The following TRIO variants were observed in gnomAD, a reference collection of about 807,000 sequenced individuals.
TRIO encodes the protein triple functional domain protein.
A neutral mutation model predicts 351.9 loss-of-function variants in TRIO; 58 were observed. The ratio of observed to expected loss-of-function variants is 0.16; its 90% confidence interval spans 0.13 to 0.21. The LOEUF is 0.21. Among genes scored for constraint, TRIO ranks in the 10% least tolerant of loss-of-function variants. TRIO has a pLI of 1.00. For synonymous variants in TRIO, 1,758 were observed against 1,595.7 expected, an observed-to-expected ratio of 1.10 and a Z score of -2.42; for missense variants, 3,201 against 4,027.8, an observed-to-expected ratio of 0.79 and a Z score of 5.56.
intron 34 of TRIO, among the ~76,000 whole-genome samples, chr5:14,459,690 A>G (rs1302492208): frequency 6.6e-6 from 1 of 152,188 alleles, no homozygotes; most frequent in Non-Finnish European, 1.5e-5. Context: ...GTGAGCTGAG[A>G]TTGTGCCACA....
chr5:14,389,270 C>T lies in TRIO; in HGVS notation c.3949-19C>T. 2 of 1,573,780 alleles carry T rather than the reference C, an allele frequency of 1.3e-6. No homozygotes were observed. The highest frequency in any genetic ancestry group is 1.4e-5 in the African/African-American group (1 of 72,476). ...TATGGTGATTATTTTTGTCTAATCC[C>T]TGTTTCCCTCTCGGCTAGACGTACC... On this transcript the variant is annotated intron_variant, in intron 24 of 56. Coordinates refer to ENST00000344204, the MANE Select transcript of TRIO (RefSeq NM_007118.4).
In TRIO at chr5:14,286,977, T is replaced by G; in HGVS notation, c.454T>G (p.Cys152Gly). Residue 152 changes from cysteine to glycine, a missense_variant, in exon 4 of 57, where the codon TGC becomes GGC. Physicochemically the swap from Cys to Gly is radical, Grantham distance 159. Coordinates refer to ENST00000344204, the MANE Select transcript of TRIO (RefSeq NM_007118.4). The surrounding 1 kb of genome is among the most constrained non-coding windows in gnomAD (Gnocchi z 4.4). ...LKILQESFPC[C>G]IHVALIIKPD... Reference sequence around the variant, plus strand: ...GATCCTGCAGGAGTCCTTCCCCTGCTGCATCCATGTGGCCCTGATCATCAA... The same window carrying G: ...GATCCTGCAGGAGTCCTTCCCCTGCGGCATCCATGTGGCCCTGATCATCAA... 6.2e-7 allele frequency: 1 copy of G among 1,614,202 alleles called. No individual in the cohort carries two copies. Among genetic ancestry groups the G allele is most frequent in the Non-Finnish European group, 8.5e-7 (1 of 1,180,028 alleles).
chr5:14,321,364 C>T (rs892214654), intron 9 of TRIO, among the ~76,000 whole-genome samples: 1 of 152,224 alleles, frequency 6.6e-6, no homozygotes, highest in African/African-American at 2.4e-5. Context: ...GTGGCCCCCA[C>T]GATGAGGGTT....
At chr5:14,321,715 A>C (rs554369530) in intron 9 of TRIO, among the ~76,000 whole-genome samples, 3 of 152,306 alleles carry the variant, frequency 2.0e-5, no homozygotes, top group African/African-American at 7.2e-5. Flanking sequence ...ACCCCACCCA[A>C]ATCTCATCTT....
At chr5:14,245,490 C>T (rs1435655893) in intron 1 of TRIO, among the ~76,000 whole-genome samples, 1 of 152,220 alleles carries the variant, frequency 6.6e-6, no homozygotes, top group Non-Finnish European at 1.5e-5. Flanking sequence ...ATTTTTGAGG[C>T]AGCTGCTAAC....
At chr5:14,212,810 C>G (rs1003250421) in intron 1 of TRIO, among the ~76,000 whole-genome samples, 2 of 152,144 alleles carry the variant, frequency 1.3e-5, no homozygotes, top group African/African-American at 4.8e-5. Context: ...TGCTTTGCAT[C>G]AACTTTTGAG....
chr5:14,256,985 G>A (rs1444640669), intron 1 of TRIO, among the ~76,000 whole-genome samples: 1 of 152,244 alleles, frequency 6.6e-6, no homozygotes, highest in African/African-American at 2.4e-5. Flanking sequence ...ATCTTTGTCT[G>A]TGTGTCCAGT....
intron 1 of TRIO, among the ~76,000 whole-genome samples, chr5:14,167,360 T>G (rs1788830635): frequency 6.6e-6 from 1 of 151,964 alleles, no homozygotes; most frequent in African/African-American, 2.4e-5. Flanking sequence ...TTCACTTCCA[T>G]TTTTAGGACT....
At chr5:14,166,397 G>A (rs747238531) in intron 1 of TRIO, among the ~76,000 whole-genome samples, 23 of 152,170 alleles carry the variant, frequency 1.5e-4, no homozygotes, top group Non-Finnish European at 2.8e-4. Flanking sequence ...GCATTTTATG[G>A]TGATCTTAAT....
intron 1 of TRIO, among the ~76,000 whole-genome samples, chr5:14,180,455 A>G (rs1279681202): frequency 1.3e-5 from 2 of 152,242 alleles, no homozygotes; most frequent in Non-Finnish European, 2.9e-5. Flanking sequence ...AAAGAATATA[A>G]CCTAAATTGT....
At chr5:14,256,041 T>A (rs1413430936) in intron 1 of TRIO, among the ~76,000 whole-genome samples, 6 of 152,162 alleles carry the variant, frequency 3.9e-5, no homozygotes, top group East Asian at 1.9e-4. Flanking sequence ...AAAGAAATAT[T>A]GGAGACTGTG....
intron 34 of TRIO, among the ~76,000 whole-genome samples, chr5:14,456,390 G>A (rs760305093): frequency 7.2e-5 from 11 of 152,244 alleles, no homozygotes; most frequent in African/African-American, 1.7e-4. Flanking sequence ...TGCTGAGAAC[G>A]AGTGAGGGCC....
At chr5:14,147,554 T>C (rs1056304320) in intron 1 of TRIO, among the ~76,000 whole-genome samples, 6 of 152,234 alleles carry the variant, frequency 3.9e-5, no homozygotes, top group South Asian at 2.1e-4. Context: ...TAAAGGTTTG[T>C]AGTTATTCTG....
At chr5:14,479,686 T>C (rs1367111892) in intron 42 of TRIO, among the ~76,000 whole-genome samples, 1 of 152,080 alleles carries the variant, frequency 6.6e-6, no homozygotes, top group Non-Finnish European at 1.5e-5. Context: ...AATAAAATAA[T>C]GCAATTGAAA....
In TRIO at chr5:14,360,610, C is replaced by T. The variant is rs946522433; in HGVS notation, c.2391+1079C>T. ...TCAGGCTGGGGATGGCAGGGCTGTGCGTAGCCTGCCCTCAGTCACCTCGGT... is the reference window on the plus strand; with the variant it reads ...TCAGGCTGGGGATGGCAGGGCTGTGTGTAGCCTGCCCTCAGTCACCTCGGT... On this transcript the variant is annotated intron_variant, in intron 13 of 56. Transcript: ENST00000344204. 2.6e-5 allele frequency among the ~76,000 whole-genome samples: 4 copies of T among 152,242 alleles called. No individual in the cohort carries two copies. In the East Asian group the frequency reaches 5.8e-4, roughly 22 times the overall value.
At chr5:14,200,068 G>T (rs973576406) in intron 1 of TRIO, among the ~76,000 whole-genome samples, 1 of 152,196 alleles carries the variant, frequency 6.6e-6, no homozygotes, top group African/African-American at 2.4e-5. Flanking sequence ...ACTAGACAGT[G>T]GTTCATACTT....
chr5:14,267,765 G>T (rs1270209937), intron 1 of TRIO, among the ~76,000 whole-genome samples: 7 of 148,812 alleles, frequency 4.7e-5, no homozygotes, highest in East Asian at 3.9e-4. Flanking sequence ...TTGCTTATTG[G>T]TTTTTTTTTT....
intron 34 of TRIO, among the ~76,000 whole-genome samples, chr5:14,458,646 T>A (rs566651632): frequency 4.6e-5 from 7 of 152,330 alleles, no homozygotes; most frequent in African/African-American, 1.7e-4. Flanking sequence ...AGTAAGTGAC[T>A]CTGAAATCTG....
chr5:14,340,130 C>CA (rs1193898998), intron 11 of TRIO, among the ~76,000 whole-genome samples: 3 of 152,126 alleles, frequency 2.0e-5, no homozygotes, highest in Non-Finnish European at 4.4e-5. Flanking sequence ...CGTGGTGATT[C>CA]ACGCCTGTAA....
Sources: gnomAD v4.1 joint callset for allele counts (sites outside exome capture counted in the v4.1 genomes callset) on GRCh38, gnomAD v4.1.1 for gene constraint, Gnocchi (gnomAD v3.1) non-coding constraint, MANE v1.5 for transcripts, NCBI Gene and HGNC (gene_info 2026-07-23, HGNC 2026-07-21) for gene names.